GRID2: variants seen among roughly 807,000 people sequenced by gnomAD.
GRID2 encodes the protein glutamate receptor ionotropic, delta-2.
GRID2 carries 33 observed loss-of-function variants against 114.8 expected under a neutral mutation model. That is an observed-to-expected ratio of 0.29 (90% confidence interval 0.22 to 0.38). The LOEUF is 0.38. GRID2 is among the 10% of genes least tolerant of loss of function. The pLI is 1.00. For synonymous variants in GRID2, 505 were observed against 449.9 expected, an observed-to-expected ratio of 1.12 and a Z score of -1.55; for missense variants, 1,184 against 1,257.7, an observed-to-expected ratio of 0.94 and a Z score of 0.89.
At chr4:92,985,674 A>G (rs1012645086) in intron 2 of GRID2, among the ~76,000 whole-genome samples, 1 of 152,170 alleles carries the variant, frequency 6.6e-6, no homozygotes, top group Admixed American at 6.5e-5. Context: ...AACATTTTTG[A>G]TGACTTTGTC....
rs1258258921 is a variant in GRID2, at chr4:92,934,544, G to T, written c.245-150451G>T. 9.6e-5 allele frequency among the ~76,000 whole-genome samples: 14 copies of T among 145,090 alleles called. 1 individual carries two copies. The highest frequency in any genetic ancestry group is 2.3e-4 in the South Asian group (1 of 4,306). Reference sequence around the variant, plus strand: ...CAGAATTGGAAAAAACTACTTTAAAGTTCATATGGAACCAAAAAAGAGCCT... The same window carrying T: ...CAGAATTGGAAAAAACTACTTTAAATTTCATATGGAACCAAAAAAGAGCCT... On this transcript the variant is annotated intron_variant, in intron 2 of 15. Transcript: ENST00000282020.
intron 8 of GRID2, among the ~76,000 whole-genome samples, chr4:93,264,023 A>G (rs191913536): frequency 2.6e-4 from 40 of 152,274 alleles, no homozygotes; most frequent in Non-Finnish European, 1.3e-4. Context: ...TCTGATGACC[A>G]TTCTTGCTGA....
chr4:93,330,636 C>T (rs574162025), intron 8 of GRID2, among the ~76,000 whole-genome samples: 21 of 152,168 alleles, frequency 1.4e-4, no homozygotes, highest in Non-Finnish European at 2.2e-4. Flanking sequence ...TACTCTTCAA[C>T]GCTACTCTCC....
chr4:92,582,641 T>A (rs888723219), intron 1 of GRID2, among the ~76,000 whole-genome samples: 1 of 151,936 alleles, frequency 6.6e-6, no homozygotes, highest in Non-Finnish European at 1.5e-5. Flanking sequence ...TATTTGAGAA[T>A]TTTAATATAC....
chr4:93,114,227 C>T (rs996793662), intron 4 of GRID2, among the ~76,000 whole-genome samples: 9 of 152,102 alleles, frequency 5.9e-5, no homozygotes, highest in Admixed American at 3.3e-4. Flanking sequence ...CAATAACCTA[C>T]AATTGTTGCT....
At chr4:92,327,692 C>T (rs1397367952) in intron 1 of GRID2, among the ~76,000 whole-genome samples, 1 of 151,934 alleles carries the variant, frequency 6.6e-6, no homozygotes, top group East Asian at 1.9e-4. Flanking sequence ...TATAGTTTCA[C>T]ATTTTTAAAA....
intron 8 of GRID2, among the ~76,000 whole-genome samples, chr4:93,271,506 T>C (rs1368722): frequency 0.7 from 105,954 of 151,912 alleles, 37,520 homozygotes; most frequent in Middle Eastern, 0.85. Context: ...AACTATATTT[T>C]CCCAGCTGTA....
intron 2 of GRID2, among the ~76,000 whole-genome samples, chr4:92,962,481 G>T (rs915973613): frequency 4.6e-5 from 7 of 151,848 alleles, no homozygotes; most frequent in African/African-American, 1.2e-4. Flanking sequence ...CCTTCTCCCA[G>T]TTGGAAGGCT....
chr4:92,688,037 CTTTT>C lies in GRID2; in HGVS notation c.244+97777_244+97780del, dbSNP rs760605020. 4.5e-4 allele frequency among the ~76,000 whole-genome samples: 20 copies of C among 44,666 alleles called. 1 individual carries two copies. The highest frequency in any genetic ancestry group is 9.4e-4 in the Admixed American group (3 of 3,208). 29.3% of individuals were successfully genotyped at this position (44,666 alleles called of 152,430 possible). ...GCCACATTGGTTGACCCTTCTTCTT[CTTTT>C]TTTTTTTTTTTTTTTTTTTTTTTTT... On this transcript the variant is annotated intron_variant, in intron 2 of 15. Transcript: ENST00000282020.
intron 2 of GRID2, among the ~76,000 whole-genome samples, chr4:92,815,036 A>T (rs941521188): frequency 1.3e-5 from 2 of 152,156 alleles, no homozygotes; most frequent in Non-Finnish European, 2.9e-5. Flanking sequence ...GTGATAATCA[A>T]TGTATTCATA....
At position 93,536,356 on chromosome 4, in the gene GRID2, C is replaced by T. The variant is rs1021116504; in HGVS notation, c.2193+20945C>T. On this transcript the variant is annotated intron_variant, in intron 13 of 15. Coordinates refer to ENST00000282020, the MANE Select transcript of GRID2 (RefSeq NM_001510.4). ...AGTATGATACTGGCATAAAAACAGA[C>T]ACATAGGCTAAAGGAACAGAATAGG... Among the ~76,000 whole-genome samples the T allele has an allele frequency of 4.0e-5, 6 of 151,796 alleles. 1 individual carries two copies. The highest frequency in any genetic ancestry group is 7.4e-5 in the Non-Finnish European group (5 of 67,798).
intron 1 of GRID2, among the ~76,000 whole-genome samples, chr4:92,575,174 T>C (rs1727822644): frequency 6.6e-6 from 1 of 152,226 alleles, no homozygotes; most frequent in African/African-American, 2.4e-5. Context: ...GTTGGTTATG[T>C]TCCTCTACAT....
At chr4:92,574,081 C>A (rs1283427469) in intron 1 of GRID2, among the ~76,000 whole-genome samples, 2 of 151,806 alleles carry the variant, frequency 1.3e-5, no homozygotes, top group South Asian at 2.1e-4. Context: ...GTCTTTTGTT[C>A]TTTGTTGGTT....
At chr4:93,392,502 TA>T (rs1194861748) in intron 8 of GRID2, among the ~76,000 whole-genome samples, 1 of 152,178 alleles carries the variant, frequency 6.6e-6, no homozygotes, top group Non-Finnish European at 1.5e-5. Flanking sequence ...CATTGCTTAT[TA>T]TTTTAAAAAG....
chr4:93,630,806 CAA>C (rs35728659), intron 14 of GRID2, among the ~76,000 whole-genome samples: 30 of 151,476 alleles, frequency 2.0e-4, no homozygotes, highest in Non-Finnish European at 4.3e-4. Context: ...CTTAGAATCA[CAA>C]AAAAAAGCAA....
In GRID2 at chr4:93,096,038, C is replaced by T. The variant is rs375024914; in HGVS notation, c.529+10759C>T. ...AGGATTGACAAATAGATTCATGGGA[C>T]ATAATTAGGAGTCCAGAAATCAACC... On this transcript the variant is annotated intron_variant, in intron 3 of 15. Transcript: ENST00000282020. 3.8e-4 allele frequency among the ~76,000 whole-genome samples: 57 copies of T among 151,964 alleles called. No homozygotes were observed. In the East Asian group the frequency reaches 5.2e-3, roughly 14 times the overall value.
intron 11 of GRID2, among the ~76,000 whole-genome samples, chr4:93,477,381 C>A (rs1725418190): frequency 6.6e-6 from 1 of 152,024 alleles, no homozygotes; most frequent in South Asian, 2.1e-4. Flanking sequence ...TAGCACTGAC[C>A]CGTTCTGCTT....
At chr4:92,856,660 T>A (rs1368943479) in intron 2 of GRID2, among the ~76,000 whole-genome samples, 1 of 152,178 alleles carries the variant, frequency 6.6e-6, no homozygotes, top group Non-Finnish European at 1.5e-5. Flanking sequence ...ATATCACTGT[T>A]ATGAAGCAAA....
At chr4:93,695,546 T>C (rs1216383908) in intron 14 of GRID2, among the ~76,000 whole-genome samples, 1 of 152,210 alleles carries the variant, frequency 6.6e-6, no homozygotes, top group East Asian at 1.9e-4. Flanking sequence ...TGAATTAGGA[T>C]AGCTTGGTAC....
Sources: allele counts gnomAD v4.1 joint callset (sites outside exome capture counted in the v4.1 genomes callset), GRCh38; gene constraint gnomAD v4.1.1; transcripts MANE v1.5; gene names NCBI Gene and HGNC (gene_info 2026-07-23, HGNC 2026-07-21).